GRIP1: variants seen among roughly 807,000 people sequenced by gnomAD.
The protein encoded by GRIP1 is glutamate receptor interacting protein 1.
In GRIP1, 45 loss-of-function variants were observed where a neutral mutation model predicts 129.9. The ratio of observed to expected loss-of-function variants is 0.35; its 90% CI spans 0.27 to 0.44. The LOEUF is 0.44. Among genes scored for constraint, GRIP1 ranks in the 20% least tolerant of loss-of-function variants. The pLI, the probability that GRIP1 is intolerant of heterozygous loss-of-function variation, is 1.00. For missense variants in GRIP1, 1,196 were observed against 1,396.8 expected (o/e 0.86, Z 2.29); for synonymous variants, 530 against 520.8 (o/e 1.02, Z -0.24).
At chr12:66,713,346 T>A (rs943901592) in intron 1 of GRIP1, among the ~76,000 whole-genome samples, 3 of 151,994 alleles carry the variant, frequency 2.0e-5, no homozygotes, top group Non-Finnish European at 4.4e-5. Context: ...AGGTAGTGTG[T>A]AAGGTATTAA....
rs201297923 is a variant in GRIP1 at position 66,349,128 on chromosome 12, A to G, written c.3278T>C (p.Ile1093Thr). ...SRNPLASQKS[I>T]DQQSLPGDWS... ...ATCTCCTGGTAGACTCTGTTGGTCTATAGACTTCTGTGAAGCCAGTGGGTT... is the reference window on the plus strand; with the variant it reads ...ATCTCCTGGTAGACTCTGTTGGTCTGTAGACTTCTGTGAAGCCAGTGGGTT... The change falls in exon 25 of 25, where the codon ATA becomes ACA. Residue 1093 changes from isoleucine (I) to threonine (T), a missense_variant. Ile to Thr is a moderately conservative substitution (Grantham distance 89, BLOSUM62 -1). Transcript: ENST00000359742. The G allele has an allele frequency of 8.7e-6, 14 of 1,614,068 alleles. No individual in the cohort carries two copies. In the African/African-American group the frequency reaches 1.2e-4, roughly 14 times the overall value.
chr12:66,773,923 A>T (rs986358767), intron 1 of GRIP1, among the ~76,000 whole-genome samples: 1 of 152,182 alleles, frequency 6.6e-6, no homozygotes, highest in African/African-American at 2.4e-5. Flanking sequence ...CTTCACACCC[A>T]ATGGTTTACA....
chr12:66,439,475 T>G (rs901099393), intron 13 of GRIP1, among the ~76,000 whole-genome samples: 2 of 152,158 alleles, frequency 1.3e-5, no homozygotes, highest in Non-Finnish European at 2.9e-5. Flanking sequence ...GGCTGATCTA[T>G]TATTGATTCT....
chr12:66,606,368 T>C (rs2064529530), intron 1 of GRIP1, among the ~76,000 whole-genome samples: 1 of 152,218 alleles, frequency 6.6e-6, no homozygotes. Flanking sequence ...TAGATGCCTC[T>C]TTCATTAAAC....
intron 7 of GRIP1, among the ~76,000 whole-genome samples, chr12:66,507,134 C>G (rs2060551286): frequency 6.6e-6 from 1 of 152,154 alleles, no homozygotes; most frequent in South Asian, 2.1e-4. Flanking sequence ...TTGAGATCAC[C>G]TGTAAGAAAC....
At chr12:66,473,997 A>C (rs547593405) in intron 7 of GRIP1, among the ~76,000 whole-genome samples, 1 of 152,282 alleles carries the variant, frequency 6.6e-6, no homozygotes, top group South Asian at 2.1e-4. Context: ...GAACTGACAG[A>C]AGTAGGCTTC....
intron 1 of GRIP1, among the ~76,000 whole-genome samples, chr12:66,729,611 T>C (rs941862619): frequency 6.6e-6 from 1 of 152,294 alleles, no homozygotes; most frequent in Non-Finnish European, 1.5e-5. Flanking sequence ...TCTTGCTCTG[T>C]TGCCCAGGCT....
chr12:66,641,402 G>C (rs905078613), intron 1 of GRIP1, among the ~76,000 whole-genome samples: 3 of 152,014 alleles, frequency 2.0e-5, no homozygotes, highest in African/African-American at 7.2e-5. Flanking sequence ...GGAAGGGGTG[G>C]GCCTGGATCC....
At chr12:67,007,805 T>C (rs1164421645) in intron 1 of GRIP1, among the ~76,000 whole-genome samples, 6 of 152,180 alleles carry the variant, frequency 3.9e-5, no homozygotes, top group East Asian at 1.9e-4. Flanking sequence ...TTGATATCTA[T>C]ACTATCAACT....
At chr12:66,551,167 T>A (rs556906459) in intron 2 of GRIP1, among the ~76,000 whole-genome samples, 2 of 152,360 alleles carry the variant, frequency 1.3e-5, no homozygotes, top group East Asian at 3.9e-4. Flanking sequence ...CTAAAAACGT[T>A]TTTAAGCATT....
chr12:66,903,064 T>C (rs372803422), intron 1 of GRIP1, among the ~76,000 whole-genome samples: 1 of 152,154 alleles, frequency 6.6e-6, no homozygotes, highest in Admixed American at 6.5e-5. Flanking sequence ...ATTAAATAAC[T>C]AGTCAAATTC....
At chr12:66,595,485 A>C (rs1011813032) in intron 2 of GRIP1, among the ~76,000 whole-genome samples, 4 of 152,228 alleles carry the variant, frequency 2.6e-5, no homozygotes, top group African/African-American at 9.6e-5. Context: ...CAGCAGTGGA[A>C]TACTCAGTAC....
At chr12:66,795,854 C>T (rs2136884906) in intron 1 of GRIP1, among the ~76,000 whole-genome samples, 1 of 152,198 alleles carries the variant, frequency 6.6e-6, no homozygotes. Flanking sequence ...TAATGGAGTG[C>T]ACTTGAAAGA....
Position 66,863,828 on chromosome 12 carries a change from C to A in GRIP1, c.58+205222G>T, listed in dbSNP as rs1034356071. ...AATGTCAGTGCAATAACTACTGCTA[C>A]AAAAAGCTTCTGAACCTGTCTCCTC... On this transcript the variant is annotated intron_variant, in intron 1 of 1. Transcript: ENST00000643019. 3.9e-5 allele frequency among the ~76,000 whole-genome samples: 6 copies of A among 152,070 alleles called. No homozygotes were observed. The East Asian group carries it at 9.7e-4, about 25-fold the overall frequency.
chr12:66,376,066 T>G (rs187068657), intron 22 of GRIP1, among the ~76,000 whole-genome samples: 2 of 152,244 alleles, frequency 1.3e-5, no homozygotes, highest in Non-Finnish European at 2.9e-5. Flanking sequence ...AATGAATCAT[T>G]GCTAACATCT....
intron 19 of GRIP1, 38 bp from the exon 20 acceptor site, chr12:66,379,474 A>ATTAC (rs756404953): frequency 7.6e-5 from 122 of 1,601,360 alleles, no homozygotes; most frequent in Non-Finnish European, 9.8e-5. Context: ...GGGCCCAAGG[A>ATTAC]TTACTTAATC....
At chr12:66,590,865 T>A (rs12424156) in intron 2 of GRIP1, among the ~76,000 whole-genome samples, 34,624 of 152,156 alleles carry the variant, frequency 0.23, 4,233 homozygotes, top group Admixed American at 0.27. Flanking sequence ...TGCTGCAGCA[T>A]ACAATGAGAC....
chr12:66,678,938 C>A lies in GRIP1; in HGVS notation c.-34G>T. 6.2e-7 allele frequency: 1 copy of A among 1,612,940 alleles called. No individual in the cohort carries two copies. On this transcript the variant is annotated 5_prime_UTR_variant, in exon 1 of 25. It removes the in-frame stop codon of an upstream open reading frame in the 5' UTR. Coordinates refer to ENST00000359742, the MANE Select transcript of GRIP1 (RefSeq NM_001366722.1). ...ACTGCTTTCTGTGGCAAAGTGTACTCAAGGCTCTCTGCTCTGGTGGCTGCA... is the reference window on the plus strand; with the variant it reads ...ACTGCTTTCTGTGGCAAAGTGTACTAAAGGCTCTCTGCTCTGGTGGCTGCA...
rs144431925 is a variant in GRIP1 at position 66,614,525 on chromosome 12, T to A, written c.56-17598A>T. Among the ~76,000 whole-genome samples, 225 of 152,228 alleles carry A rather than the reference T, an allele frequency of 1.5e-3. 3 individuals carry two copies. The highest frequency in any genetic ancestry group is 5.3e-3 in the African/African-American group (220 of 41,550). ...CATTCCTTCTCACCACTTACACTGT[T>A]ACCACCCTGGTCGATGCCACCATCA... is the stretch of plus-strand genomic sequence containing the variant. On this transcript the variant is annotated intron_variant, in intron 1 of 24. Coordinates refer to ENST00000359742, the MANE Select transcript of GRIP1 (RefSeq NM_001366722.1).
Sources: gnomAD v4.1 joint callset for allele counts (sites outside exome capture counted in the v4.1 genomes callset) on GRCh38, gnomAD v4.1.1 for gene constraint, MANE v1.5 for transcripts, NCBI Gene and HGNC (gene_info 2026-07-23, HGNC 2026-07-21) for gene names.